Variants in EFHC1 observed in about 807,000 individuals in gnomAD.
EFHC1 encodes EF-hand domain-containing protein 1.
A neutral mutation model predicts 69.9 loss-of-function variants in EFHC1; 53 were observed. The observed-to-expected ratio is 0.76, with a 90% CI of 0.61 to 0.95. The LOEUF (loss-of-function observed/expected upper bound fraction) is 0.95, where lower values mean the gene tolerates loss of function less well. Among genes scored for constraint, EFHC1 ranks in the 40% least tolerant of loss-of-function variants. EFHC1 has a pLI of 0.00. For missense variants in EFHC1, 739 were observed against 798.7 expected (o/e 0.93, Z 0.90); for synonymous variants, 256 against 278.4 (o/e 0.92, Z 0.80).
intron 4 of EFHC1, 158 bp downstream of exon 4, chr6:52,452,995 G>C: frequency 6.4e-7 from 1 of 1,556,232 alleles, no homozygotes; most frequent in East Asian, 2.4e-5. Context: ...TTTCATCAAG[G>C]GTTACAGGTA....
chr6:52,477,059 A>T lies in EFHC1; in HGVS notation c.1279-1978A>T, dbSNP rs116099401. Among the ~76,000 whole-genome samples the T allele has an allele frequency of 5.6e-3, 845 of 152,206 alleles. 8 individuals carry two copies. Among genetic ancestry groups the T allele is most frequent in the African/African-American group, 0.019 (794 of 41,530 alleles). On this transcript the variant is annotated intron_variant, in intron 7 of 10. Transcript: ENST00000371068. ...TCCCAATAAAGACAATAATTTTTTT[A>T]AAGTTTTATAGTACTCTTTCCTGCC...
At chr6:52,446,082 G>A (rs1764777960) in intron 3 of EFHC1, among the ~76,000 whole-genome samples, 1 of 152,160 alleles carries the variant, frequency 6.6e-6, no homozygotes, top group Non-Finnish European at 1.5e-5. Context: ...AGGTCTGCTT[G>A]GGGCAGAGCT....
In EFHC1 at chr6:52,438,517, G is replaced by T. The variant is rs781476033; in HGVS notation, c.499G>T (p.Asp167Tyr). ...CCGGGGTGACCATTACCATTGGAAA[G>T]ACCTAAATCGAGGAATAAACATCAC... ...NDRGDHYHWK[D>Y]LNRGINITIY... is the part of the protein sequence containing the mutation. Residue 167 changes from aspartate to tyrosine, a missense_variant, in exon 3 of 11, where the codon GAC (aspartate) becomes TAC (tyrosine). Physicochemically the swap from Asp to Tyr is radical, Grantham distance 160. Coordinates refer to ENST00000371068, the MANE Select transcript of EFHC1 (RefSeq NM_018100.4). 6.2e-7 allele frequency: 1 copy of T among 1,614,084 alleles called. No homozygotes were observed. Among genetic ancestry groups the T allele is most frequent in the Non-Finnish European group, 8.5e-7 (1 of 1,179,986 alleles).
rs777681062 is a variant in EFHC1, at chr6:52,495,090, G to A, written c.*2749G>A. 1 of 454,014 alleles carries A rather than the reference G, an allele frequency of 2.2e-6. No individual in the cohort carries two copies. The highest frequency in any genetic ancestry group is 1.6e-5 in the South Asian group (1 of 64,460). 28.1% of individuals were successfully genotyped at this position (454,014 alleles called of 1,614,324 possible). A position where few individuals can be genotyped will look rare whatever the true frequency, so the allele number is the denominator to read the frequency against. On this transcript the variant is annotated 3_prime_UTR_variant, in exon 11 of 11. Coordinates refer to ENST00000371068, the MANE Select transcript of EFHC1 (RefSeq NM_018100.4). ...TGTACCTGATCACCCCGGCTCTAAT[G>A]GTATGGTCTCCAAGGCTCCTTCTGA...
intron 3 of EFHC1, among the ~76,000 whole-genome samples, chr6:52,445,295 T>TAA (rs1764756255): frequency 3.3e-5 from 5 of 151,204 alleles, no homozygotes; most frequent in Admixed American, 6.6e-5. Flanking sequence ...ATTAATTAAT[T>TAA]TATTTATTTT....
intron 7 of EFHC1, among the ~76,000 whole-genome samples, chr6:52,475,267 T>C (rs1222575388): frequency 6.6e-6 from 1 of 152,038 alleles, no homozygotes; most frequent in East Asian, 1.9e-4. Flanking sequence ...GGTTTATGAG[T>C]GAGGCGGGGA....
chr6:52,422,689 A>G (rs1235984783), intron 1 of EFHC1, among the ~76,000 whole-genome samples: 1 of 152,152 alleles, frequency 6.6e-6, no homozygotes, highest in African/African-American at 2.4e-5. Flanking sequence ...CTCACAACAG[A>G]AAAAGGAAAC....
chr6:52,464,714 A>G (rs1156560932), intron 5 of EFHC1, among the ~76,000 whole-genome samples, 181 bp from the exon 6 acceptor site: 1 of 152,234 alleles, frequency 6.6e-6, no homozygotes, highest in Non-Finnish European at 1.5e-5. Context: ...TACGTGTCGT[A>G]TCAACAGATG....
Position 52,493,079 on chromosome 6 carries a change from G to A in EFHC1, c.*738G>A. 2.2e-6 allele frequency: 1 copy of A among 453,948 alleles called. No individual in the cohort carries two copies. The highest frequency in any genetic ancestry group is 1.6e-5 in the South Asian group (1 of 64,470). The allele number at this position is 453,948 out of a possible 1,614,324, so 28.1% of individuals were successfully genotyped here. ...GAATAAAAAGGCTGACCTTTCCCCA[G>A]GTAAGAGAATTCCTCCTGCCTGACT... On this transcript the variant is annotated 3_prime_UTR_variant, in exon 11 of 11. Coordinates refer to ENST00000371068, the MANE Select transcript of EFHC1 (RefSeq NM_018100.4).
intron 3 of EFHC1, among the ~76,000 whole-genome samples, chr6:52,446,370 C>CT (rs1262685731): frequency 6.6e-6 from 1 of 152,154 alleles, no homozygotes; most frequent in African/African-American, 2.4e-5. Context: ...TTATCAGAGA[C>CT]TAGGATTGCA....
At chr6:52,467,440 C>G (rs12192516) in intron 6 of EFHC1, among the ~76,000 whole-genome samples, 27,376 of 152,092 alleles carry the variant, frequency 0.18, 2,927 homozygotes, top group Non-Finnish European at 0.24. Flanking sequence ...CTTGGCCTCC[C>G]AAAGTGCTAG....
At chr6:52,426,677 C>CT (rs1334114493) in intron 2 of EFHC1, among the ~76,000 whole-genome samples, 1 of 152,174 alleles carries the variant, frequency 6.6e-6, no homozygotes, top group Non-Finnish European at 1.5e-5. Context: ...TATCCCTCAC[C>CT]TTTTCCCATA....
At position 52,452,775 on chromosome 6, in the gene EFHC1, C is replaced by T. The variant is rs139197513; in HGVS notation, c.661C>T (p.Arg221Cys). Residue 221 changes from arginine to cysteine, a missense_variant, in exon 4 of 11, where the codon CGT becomes TGT. Physicochemically the swap from Arg to Cys is radical, Grantham distance 180. Transcript: ENST00000371068. Reference sequence around the variant, plus strand: ...CACTGAACTCCGAAAACAGCCTCTTCGTAAGTATGTCACCCCATCAGACTT... The same window carrying T: ...CACTGAACTCCGAAAACAGCCTCTTTGTAAGTATGTCACCCCATCAGACTT... ...PYTELRKQPL[R>C]KYVTPSDFDQ... is the part of the protein sequence containing the mutation. 7.1e-4 allele frequency: 1,154 copies of T among 1,614,178 alleles called. 7 individuals carry two copies. The highest frequency in any genetic ancestry group is 5.8e-3 in the South Asian group (524 of 91,080).
In EFHC1 at chr6:52,479,679, A is replaced by G. The variant is rs771922968; in HGVS notation, c.1532A>G (p.Tyr511Cys). 5 of 1,614,200 alleles carry G rather than the reference A, an allele frequency of 3.1e-6. No individual in the cohort carries two copies. In the East Asian group the frequency reaches 1.1e-4, roughly 36 times the overall value. ...TTCATCATCCTTGATACAGACGAGT[A>G]TGTTTTGAAATACATGGAGAGCAAC... Reference protein sequence around the residue: ...HRFIILDTDEYVLKYMESNAA... With the variant: ...HRFIILDTDECVLKYMESNAA... The change falls in exon 9 of 11, where the codon TAT becomes TGT. Residue 511 changes from tyrosine to cysteine, a missense_variant. Tyr to Cys is a radical substitution (Grantham distance 194, BLOSUM62 -2). Coordinates refer to ENST00000371068, the MANE Select transcript of EFHC1 (RefSeq NM_018100.4).
At chr6:52,453,988 T>C (rs779132320) in intron 4 of EFHC1, 107 bp from the exon 5 acceptor site, 3 of 1,590,410 alleles carry the variant, frequency 1.9e-6, no homozygotes, top group South Asian at 1.1e-5. Flanking sequence ...AATTACTTCA[T>C]AGTCTTTCCA....
intron 5 of EFHC1, among the ~76,000 whole-genome samples, chr6:52,464,596 T>C (rs1274879980): frequency 2.0e-5 from 3 of 152,240 alleles, no homozygotes; most frequent in Admixed American, 6.5e-5. Flanking sequence ...ACATTTGTTC[T>C]TTCCTCCTGT....
At chr6:52,456,699 A>G (rs1765052312) in intron 5 of EFHC1, among the ~76,000 whole-genome samples, 1 of 152,164 alleles carries the variant, frequency 6.6e-6, no homozygotes, top group South Asian at 2.1e-4. Context: ...GGATCACCTG[A>G]AGTCAGGAGT....
intron 7 of EFHC1, among the ~76,000 whole-genome samples, chr6:52,478,376 GTAAC>G (rs747806174): frequency 1.9e-4 from 29 of 151,942 alleles, no homozygotes; most frequent in Non-Finnish European, 2.9e-4. Flanking sequence ...GTATACATAT[GTAAC>G]TAACCTGCAC....
At position 52,495,225 on chromosome 6, in the gene EFHC1, T is replaced by G; in HGVS notation, c.*2884T>G. 1 of 454,104 alleles carries G rather than the reference T, an allele frequency of 2.2e-6. No individual in the cohort carries two copies. The highest frequency in any genetic ancestry group is 4.4e-6 in the Non-Finnish European group (1 of 226,780). 28.1% of individuals were successfully genotyped at this position (454,104 alleles called of 1,614,324 possible). A position where few individuals can be genotyped will look rare whatever the true frequency, so the allele number is the denominator to read the frequency against. ...GTGTAATTAGGCAGCTCAATCCCTT[T>G]CCTTTAGACTGTTTCAGGGGAGAAC... On this transcript the variant is annotated 3_prime_UTR_variant, in exon 11 of 11. Transcript: ENST00000371068.
Sources: allele counts gnomAD v4.1 joint callset (sites outside exome capture counted in the v4.1 genomes callset), GRCh38; gene constraint gnomAD v4.1.1; transcripts MANE v1.5; gene names NCBI Gene and HGNC (gene_info 2026-07-23, HGNC 2026-07-21).